Variants in ZNF273 observed in about 807,000 individuals in gnomAD.
The protein encoded by ZNF273 is zinc finger protein 273.
In ZNF273, 11 loss-of-function variants were observed where a neutral mutation model predicts 14.9. The observed-to-expected ratio is 0.74, with a 90% CI of 0.46 to 1.22. The LOEUF is 1.22. Ranked by LOEUF, ZNF273 falls within the 50% of genes most tolerant of loss-of-function variation. The probability of loss-of-function intolerance (pLI) is 0.00; values close to 1 mark genes in which losing one functional copy is unlikely to be tolerated. For missense variants in ZNF273, 577 were observed against 660.6 expected, an observed-to-expected ratio of 0.87 and a Z score of 1.39; for synonymous variants, 199 against 223.9, an observed-to-expected ratio of 0.89 and a Z score of 0.99.
At chr7:64,898,618 T>C (rs933825313), upstream of ZNF273, among the ~76,000 whole-genome samples, 5 of 152,368 alleles carry the variant, frequency 3.3e-5, no homozygotes, top group African/African-American at 1.2e-4. Flanking sequence ...CTTTGTGAGG[T>C]AGAGTAGGAT....
intron 1 of ZNF273, chr7:64,888,466 G>A: frequency 1.0e-6 from 1 of 985,860 alleles, no homozygotes; most frequent in Non-Finnish European, 1.2e-6. Flanking sequence ...GCTTCTCCAG[G>A]TGGCTTCCTC....
In ZNF273 at chr7:64,928,704, A is replaced by G; in HGVS notation, c.1376A>G (p.Lys459Arg). The G allele has an allele frequency of 1.9e-6, 3 of 1,606,776 alleles. No homozygotes were observed. The highest frequency in any genetic ancestry group is 2.7e-5 in the African/African-American group (2 of 74,768). ...ATTCATACTGGAGCAAAACCTTACA[A>G]ATGTGAAGAATGTGGCAGTGCCTTT... The part of the protein sequence containing the change: ...KIIHTGAKPY[K>R]CEECGSAFRA... The change falls in exon 4 of 4, where the codon AAA becomes AGA. Residue 459 changes from lysine (K) to arginine (R), a missense_variant. Lys to Arg is a conservative substitution (Grantham distance 26, BLOSUM62 2). This residue lies in a region of ZNF273 where 411 missense variants were observed against 440.4 expected (regional missense o/e 0.93). Coordinates refer to ENST00000476120, the MANE Select transcript of ZNF273 (RefSeq NM_021148.3).
At chr7:64,919,565 G>A (rs150678680) in intron 3 of ZNF273, among the ~76,000 whole-genome samples, 11 of 152,208 alleles carry the variant, frequency 7.2e-5, no homozygotes, top group African/African-American at 2.2e-4. Context: ...CCTGGGAGGC[G>A]GAGGTTGCAG....
chr7:64,920,515 T>C (rs891938632), intron 3 of ZNF273, among the ~76,000 whole-genome samples: 1 of 152,154 alleles, frequency 6.6e-6, no homozygotes, highest in Non-Finnish European at 1.5e-5. Context: ...CATGTCTTTC[T>C]CTAAGCCTCT....
chr7:64,917,321 G>A (rs1794076855), intron 1 of ZNF273, among the ~76,000 whole-genome samples: 1 of 152,166 alleles, frequency 6.6e-6, no homozygotes, highest in African/African-American at 2.4e-5. Flanking sequence ...GTACGTGTTT[G>A]TGTTACTAAT....
downstream of ZNF273, chr7:64,893,847 C>T (rs185750540): frequency 2.1e-4 from 32 of 153,848 alleles, no homozygotes; most frequent in African/African-American, 7.7e-4. Context: ...CTAGTCACTA[C>T]CCAGCAAGTT....
At chr7:64,890,267 T>C (rs1447394789), downstream of ZNF273, among the ~76,000 whole-genome samples, 1 of 137,126 alleles carries the variant, frequency 7.3e-6, no homozygotes, top group African/African-American at 2.6e-5. Context: ...CATCTGCGTG[T>C]CTCAGTAGAG....
chr7:64,919,619 CAAAACGGTCAA>C (rs1794284923), intron 3 of ZNF273, among the ~76,000 whole-genome samples: 1 of 152,098 alleles, frequency 6.6e-6, no homozygotes, highest in African/African-American at 2.4e-5. Flanking sequence ...GGCAACAGAG[CAAAACGGTCAA>C]AAAAGATTTT....
intron 1 of ZNF273, among the ~76,000 whole-genome samples, chr7:64,887,705 G>A (rs939642148): frequency 7.1e-4 from 108 of 151,948 alleles, no homozygotes; most frequent in South Asian, 8.3e-4. Flanking sequence ...TCACTGTGTT[G>A]GCCAGGCTGG....
intron 1 of ZNF273, chr7:64,878,254 C>T (rs1452982273): frequency 6.6e-6 from 1 of 152,020 alleles, no homozygotes; most frequent in Non-Finnish European, 1.5e-5. Flanking sequence ...TTCAAATCAC[C>T]TTTCCCTGCA....
downstream of ZNF273, among the ~76,000 whole-genome samples, chr7:64,891,078 G>T (rs1388214769): frequency 6.6e-5 from 10 of 152,212 alleles, no homozygotes; most frequent in Non-Finnish European, 1.2e-4. Context: ...TCCCAGAAAT[G>T]AGTCACAGGT....
At chr7:64,915,888 G>A (rs921366677) in intron 1 of ZNF273, among the ~76,000 whole-genome samples, 1 of 152,132 alleles carries the variant, frequency 6.6e-6, no homozygotes, top group Non-Finnish European at 1.5e-5. Flanking sequence ...TACCCAAAAA[G>A]TTCTAAAAAA....
At chr7:64,933,413 T>C (rs563763463), downstream of ZNF273, 13 of 152,304 alleles carry the variant, frequency 8.5e-5, no homozygotes, top group African/African-American at 3.1e-4. Flanking sequence ...GATTAAAACG[T>C]TTTCTATTTT....
Position 64,928,413 on chromosome 7 carries a change from C to T in ZNF273, c.1085C>T (p.Thr362Ile), listed in dbSNP as rs567187909. ...GCCTTTAACTGGTCCTCAACTCTTA[C>T]TAAACATAAGAGAATTCATACTGGA... ...GKAFNWSSTL[T>I]KHKRIHTGEK... The change falls in exon 4 of 4, where the codon ACT becomes ATT. Residue 362 changes from threonine to isoleucine, a missense_variant. Thr to Ile is a moderately conservative substitution (Grantham distance 89). Transcript: ENST00000476120. 1.2e-6 allele frequency: 2 copies of T among 1,613,628 alleles called. No individual in the cohort carries two copies. The highest frequency in any genetic ancestry group is 1.7e-6 in the Non-Finnish European group (2 of 1,179,894).
intron 1 of ZNF273, among the ~76,000 whole-genome samples, chr7:64,906,931 A>C (rs1303634846): frequency 2.0e-5 from 3 of 152,214 alleles, no homozygotes; most frequent in African/African-American, 7.2e-5. Flanking sequence ...AGACAAGATT[A>C]GAAAGAAGGT....
chr7:64,927,005 G>A (rs1460497431), intron 3 of ZNF273, among the ~76,000 whole-genome samples: 3 of 152,178 alleles, frequency 2.0e-5, no homozygotes, highest in Non-Finnish European at 1.5e-5. Flanking sequence ...ACAGAAACCA[G>A]TGTCTGGAAA....
At chr7:64,916,562 A>C (rs1583997461) in intron 1 of ZNF273, among the ~76,000 whole-genome samples, 1 of 150,652 alleles carries the variant, frequency 6.6e-6, no homozygotes, top group East Asian at 2.0e-4. Context: ...AAAAAAAAAA[A>C]AAACCATACA....
chr7:64,910,561 G>A (rs1026930442), intron 1 of ZNF273, among the ~76,000 whole-genome samples: 5 of 152,198 alleles, frequency 3.3e-5, no homozygotes, highest in African/African-American at 1.2e-4. Context: ...TTTTGTACCA[G>A]TACCATGCTG....
At chr7:64,891,006 A>C (rs7783460), downstream of ZNF273, among the ~76,000 whole-genome samples, 78 of 152,346 alleles carry the variant, frequency 5.1e-4, no homozygotes, top group African/African-American at 1.8e-3. Context: ...GCAGGGGCAG[A>C]TGGCTGTGCT....
Sources: gnomAD v4.1 joint callset for allele counts (sites outside exome capture counted in the v4.1 genomes callset) on GRCh38, gnomAD v4.1.1 for gene constraint, gnomAD v4.1.1 regional missense constraint, MANE v1.5 for transcripts, NCBI Gene and HGNC (gene_info 2026-07-23, HGNC 2026-07-21) for gene names.